CABCOCO1: variants seen among roughly 807,000 people sequenced by gnomAD.
CABCOCO1 encodes ciliary-associated calcium-binding coiled-coil protein 1.
Under a neutral mutation model 35.7 loss-of-function variants are expected in CABCOCO1, and 28 were observed. That is an observed-to-expected ratio of 0.78 (90% confidence interval 0.58 to 1.07). The LOEUF (loss-of-function observed/expected upper bound fraction) is 1.07, where lower values mean the gene tolerates loss of function less well. CABCOCO1 is among the 50% of genes least tolerant of loss of function. The pLI, the probability that CABCOCO1 is intolerant of heterozygous loss-of-function variation, is 0.00. For synonymous variants in CABCOCO1, 95 were observed against 100.1 expected (o/e 0.95, Z 0.30); for missense variants, 326 against 309.2 (o/e 1.05, Z -0.41).
At chr10:61,742,063 G>A (rs1243045013) in intron 5 of CABCOCO1, among the ~76,000 whole-genome samples, 1 of 152,152 alleles carries the variant, frequency 6.6e-6, no homozygotes, top group African/African-American at 2.4e-5. Context: ...TGGCGTGGAA[G>A]GTAGAGAGAA....
At chr10:61,703,990 T>G (rs1281898065) in intron 5 of CABCOCO1, among the ~76,000 whole-genome samples, 1 of 151,858 alleles carries the variant, frequency 6.6e-6, no homozygotes, top group East Asian at 1.9e-4. Context: ...GGTGGGCAGA[T>G]AGAACACTTG....
chr10:61,763,762 A>T (rs1399827882), intron 7 of CABCOCO1, among the ~76,000 whole-genome samples: 1 of 151,694 alleles, frequency 6.6e-6, no homozygotes, highest in African/African-American at 2.4e-5. Context: ...GTGGTCAATG[A>T]GAGACTACTG....
At chr10:61,715,023 T>A (rs528820278) in intron 5 of CABCOCO1, among the ~76,000 whole-genome samples, 1 of 152,324 alleles carries the variant, frequency 6.6e-6, no homozygotes, top group African/African-American at 2.4e-5. Context: ...AGATGTTTAT[T>A]AGGTCTGCTT....
chr10:61,718,961 G>A (rs1262780883), intron 5 of CABCOCO1, among the ~76,000 whole-genome samples: 1 of 152,112 alleles, frequency 6.6e-6, no homozygotes, highest in Non-Finnish European at 1.5e-5. Context: ...ATTGTCAAAT[G>A]AAAAGCTTTC....
intron 1 of CABCOCO1, among the ~76,000 whole-genome samples, chr10:61,667,228 T>C (rs1564527509): frequency 6.8e-6 from 1 of 147,946 alleles, no homozygotes; most frequent in Non-Finnish European, 1.5e-5. Flanking sequence ...TATATACATT[T>C]TTATTTTAAA....
At chr10:61,707,398 G>C (rs1251506834) in intron 5 of CABCOCO1, among the ~76,000 whole-genome samples, 1 of 152,132 alleles carries the variant, frequency 6.6e-6, no homozygotes. Flanking sequence ...AGGATGCAAA[G>C]AAAAGAAAGG....
intron 5 of CABCOCO1, among the ~76,000 whole-genome samples, chr10:61,743,687 A>C (rs1361715426): frequency 6.6e-6 from 1 of 152,100 alleles, no homozygotes; most frequent in Non-Finnish European, 1.5e-5. Flanking sequence ...TTTGTTCTAG[A>C]ATGTTCTCCG....
At chr10:61,736,891 GTT>G (rs965679502) in intron 5 of CABCOCO1, among the ~76,000 whole-genome samples, 15 of 151,996 alleles carry the variant, frequency 9.9e-5, no homozygotes, top group African/African-American at 3.1e-4. Flanking sequence ...GTATTTTATT[GTT>G]TTTTTGTGGC....
chr10:61,693,502 C>T (rs1054407455), intron 5 of CABCOCO1, among the ~76,000 whole-genome samples: 2 of 151,988 alleles, frequency 1.3e-5, no homozygotes, highest in Non-Finnish European at 2.9e-5. Context: ...CATAAATCCC[C>T]TCTAATCAAA....
At chr10:61,721,013 C>T (rs1841000978) in intron 5 of CABCOCO1, among the ~76,000 whole-genome samples, 11 of 143,374 alleles carry the variant, frequency 7.7e-5, no homozygotes, top group Admixed American at 7.4e-4. Flanking sequence ...CAAACTCCGC[C>T]TCCCGGGTTC....
chr10:61,663,151 G>A (rs553382445), intron 1 of CABCOCO1, 119 bp downstream of exon 1: 1 of 206,740 alleles, frequency 4.8e-6, no homozygotes, highest in Non-Finnish European at 1.1e-5. Flanking sequence ...GGCGCCGCAC[G>A]TCTGGCCCCG....
chr10:61,733,206 C>G (rs1841344038), intron 5 of CABCOCO1, among the ~76,000 whole-genome samples: 1 of 151,910 alleles, frequency 6.6e-6, no homozygotes, highest in African/African-American at 2.4e-5. Flanking sequence ...ACCAAATGTT[C>G]TAAACTATTT....
chr10:61,728,503 A>G (rs1038993344), intron 5 of CABCOCO1, among the ~76,000 whole-genome samples: 1 of 152,178 alleles, frequency 6.6e-6, no homozygotes, highest in Non-Finnish European at 1.5e-5. Context: ...GACAACTACA[A>G]AGAAATAATA....
At chr10:61,751,913 C>A (rs1841798149) in intron 5 of CABCOCO1, among the ~76,000 whole-genome samples, 1 of 152,168 alleles carries the variant, frequency 6.6e-6, no homozygotes, top group African/African-American at 2.4e-5. Context: ...AATCAAGATA[C>A]CACCTAGATT....
chr10:61,756,314 C>A (rs975654409), intron 5 of CABCOCO1, among the ~76,000 whole-genome samples: 10 of 151,964 alleles, frequency 6.6e-5, no homozygotes, highest in Non-Finnish European at 1.5e-4. Context: ...CAGATAACAT[C>A]TGGGGGAAAT....
intron 5 of CABCOCO1, among the ~76,000 whole-genome samples, chr10:61,696,073 A>G (rs781530682): frequency 1.3e-5 from 2 of 152,138 alleles, no homozygotes; most frequent in Admixed American, 6.6e-5. Context: ...ATCTAAATAA[A>G]TATCAAATGT....
At chr10:61,717,216 T>G (rs1004352798) in intron 5 of CABCOCO1, among the ~76,000 whole-genome samples, 3 of 152,104 alleles carry the variant, frequency 2.0e-5, no homozygotes, top group Admixed American at 6.6e-5. Context: ...CTGACATAAG[T>G]TGGCTACATG....
chr10:61,675,041 T>G (rs1311194629), intron 2 of CABCOCO1, among the ~76,000 whole-genome samples: 1 of 152,206 alleles, frequency 6.6e-6, no homozygotes, highest in African/African-American at 2.4e-5. Context: ...AGAATTAAAA[T>G]GCACCCCATT....
chr10:61,696,910 A>G (rs1343057132), intron 5 of CABCOCO1, among the ~76,000 whole-genome samples: 1 of 152,120 alleles, frequency 6.6e-6, no homozygotes, highest in Non-Finnish European at 1.5e-5. Context: ...ATACTTTACC[A>G]ATAAACAGAT....
Sources: gnomAD v4.1 joint callset for allele counts (sites outside exome capture counted in the v4.1 genomes callset) on GRCh38, gnomAD v4.1.1 for gene constraint, MANE v1.5 for transcripts, NCBI Gene and HGNC (gene_info 2026-07-23, HGNC 2026-07-21) for gene names.